SRGAP2: variants seen among roughly 807,000 people sequenced by gnomAD.
SRGAP2 encodes the protein SLIT-ROBO Rho GTPase-activating protein 2.
SRGAP2 carries 15 observed loss-of-function variants against 57.2 expected under a neutral mutation model. The ratio of observed to expected loss-of-function variants is 0.26; its 90% CI spans 0.18 to 0.40. The LOEUF (loss-of-function observed/expected upper bound fraction) is 0.40. Ranked by LOEUF, SRGAP2 falls within the 10% of genes least tolerant of loss-of-function variation. SRGAP2 has a pLI of 1.00. For synonymous variants in SRGAP2, 249 were observed against 248.0 expected, an observed-to-expected ratio of 1.00 and a Z score of -0.04; for missense variants, 520 against 669.6, an observed-to-expected ratio of 0.78 and a Z score of 2.47.
At chr1:206,343,667 G>A (rs1253150169) in intron 4 of SRGAP2, among the ~76,000 whole-genome samples, 1 of 150,930 alleles carries the variant, frequency 6.6e-6, no homozygotes, top group African/African-American at 2.4e-5. Flanking sequence ...TACTTCCTTG[G>A]GTATAGGTTG....
At chr1:206,328,700 G>A (rs1218751005) in intron 3 of SRGAP2, among the ~76,000 whole-genome samples, 13 of 69,402 alleles carry the variant, frequency 1.9e-4, no homozygotes, top group Admixed American at 3.6e-4. Context: ...TGCAGATTCT[G>A]GATATTAGCC....
intron 18 of SRGAP2, among the ~76,000 whole-genome samples, chr1:206,449,033 G>A (rs782804732): frequency 3.9e-5 from 6 of 152,108 alleles, no homozygotes; most frequent in African/African-American, 1.4e-4. Context: ...GTTCCAAGGT[G>A]GAAACTGTGC....
rs542225768 is a variant in SRGAP2, at chr1:206,318,462, A to G, written c.260+14989A>G. ...GTTCTTGCTCCTGTTTTCTCCGGTA[A>G]TGCGTGGAAATGTGTGTCCTTTCTT... On this transcript the variant is annotated intron_variant, in intron 3 of 22. Coordinates refer to ENST00000573034, the MANE Select transcript of SRGAP2 (RefSeq NM_015326.5). Among the ~76,000 whole-genome samples the G allele has an allele frequency of 9.2e-5, 14 of 152,320 alleles. No homozygotes were observed. The East Asian group carries it at 2.7e-3, about 29-fold the overall frequency.
At chr1:206,413,666 C>T (rs1391277858) in intron 10 of SRGAP2, among the ~76,000 whole-genome samples, 1 of 152,218 alleles carries the variant, frequency 6.6e-6, no homozygotes. Flanking sequence ...TTCATTTATT[C>T]ATCATGCATT....
chr1:206,455,096 C>T (rs1663712801), intron 21 of SRGAP2, 72 bp downstream of exon 21: 1 of 776,610 alleles, frequency 1.3e-6, no homozygotes, highest in Middle Eastern at 2.3e-4. Flanking sequence ...TGGCCTAACC[C>T]CCATCTCCAT....
chr1:206,439,924 G>T (rs1662119695), intron 16 of SRGAP2, 52 bp from the exon 17 acceptor site: 1 of 766,992 alleles, frequency 1.3e-6, no homozygotes, highest in Admixed American at 1.8e-5. Flanking sequence ...GATCATTACT[G>T]CCTGGGATCC....
chr1:206,352,957 G>C (rs1313974645), intron 4 of SRGAP2, among the ~76,000 whole-genome samples: 1 of 152,102 alleles, frequency 6.6e-6, no homozygotes, highest in African/African-American at 2.4e-5. Flanking sequence ...AAAGTGGTGG[G>C]ATTACAGGCG....
intron 10 of SRGAP2, 79 bp from the exon 11 acceptor site, chr1:206,415,810 A>G: frequency 2.8e-6 from 2 of 712,648 alleles, no homozygotes. Context: ...ATATAGGGGA[A>G]TTGTCCAGCT....
chr1:206,368,894 T>TA (rs1485713965), intron 4 of SRGAP2, among the ~76,000 whole-genome samples: 3 of 150,468 alleles, frequency 2.0e-5, no homozygotes, highest in Non-Finnish European at 4.4e-5. Flanking sequence ...GGCAGTTTCA[T>TA]AGAGACTGAA....
At chr1:206,229,797 A>T (rs1205601629) in intron 2 of SRGAP2, among the ~76,000 whole-genome samples, 6 of 151,760 alleles carry the variant, frequency 4.0e-5, no homozygotes, top group African/African-American at 1.5e-4. Flanking sequence ...TTTATTCTCT[A>T]GGGGCAGGAA....
intron 2 of SRGAP2, among the ~76,000 whole-genome samples, chr1:206,237,078 C>A (rs527566426): frequency 6.1e-5 from 9 of 148,228 alleles, no homozygotes; most frequent in African/African-American, 2.3e-4. Flanking sequence ...CATGGTGAAA[C>A]CCCACCTCTA....
chr1:206,394,127 A>G (rs1657330308), intron 7 of SRGAP2, among the ~76,000 whole-genome samples: 1 of 132,212 alleles, frequency 7.6e-6, no homozygotes. Flanking sequence ...GCTCACTGCA[A>G]CCTCCATCTC....
chr1:206,255,376 T>C (rs1202074422), intron 2 of SRGAP2, among the ~76,000 whole-genome samples: 2 of 142,004 alleles, frequency 1.4e-5, no homozygotes, highest in Admixed American at 7.1e-5. Context: ...TTCATGAGTC[T>C]CAGCATCTTC....
intron 2 of SRGAP2, among the ~76,000 whole-genome samples, chr1:206,213,994 G>C (rs543772823): frequency 6.6e-6 from 1 of 151,936 alleles, no homozygotes; most frequent in African/African-American, 2.4e-5. Context: ...TTTTAGAAGG[G>C]GTCACAAATA....
At chr1:206,280,048 T>C (rs1335785129) in intron 2 of SRGAP2, among the ~76,000 whole-genome samples, 1 of 151,172 alleles carries the variant, frequency 6.6e-6, no homozygotes, top group African/African-American at 2.4e-5. Flanking sequence ...GTTGGTGTGG[T>C]TTTTCAAGGA....
chr1:206,315,466 A>G (rs1306456033), intron 3 of SRGAP2, among the ~76,000 whole-genome samples: 2 of 148,284 alleles, frequency 1.3e-5, no homozygotes, highest in African/African-American at 5.1e-5. Flanking sequence ...TGGTGTTGCA[A>G]GGGTTGGCTT....
chr1:206,417,414 CTTTTTTTTTT>C (rs1219905489), intron 11 of SRGAP2, among the ~76,000 whole-genome samples: 2 of 110,794 alleles, frequency 1.8e-5, no homozygotes, highest in Middle Eastern at 5.6e-3. Flanking sequence ...GATCTTATGA[CTTTTTTTTTT>C]TTTTTTTTTT....
intron 21 of SRGAP2, chr1:206,455,857 G>GT (rs1663785777): frequency 6.6e-6 from 1 of 152,176 alleles, no homozygotes; most frequent in Non-Finnish European, 1.5e-5. Context: ...CTACGCCTGC[G>GT]TGCTGCCGCC....
intron 11 of SRGAP2, 112 bp downstream of exon 11, chr1:206,416,085 G>T (rs1553361845): frequency 3.2e-6 from 2 of 622,230 alleles, no homozygotes; most frequent in Non-Finnish European, 5.8e-6. Context: ...TTGTATGAAT[G>T]CCTTTCTTTT....
Sources: allele counts gnomAD v4.1 joint callset (sites outside exome capture counted in the v4.1 genomes callset), GRCh38; gene constraint gnomAD v4.1.1; transcripts MANE v1.5; gene names NCBI Gene and HGNC (gene_info 2026-07-23, HGNC 2026-07-21).